Variants in RNGTT observed in about 807,000 individuals in gnomAD.
The protein encoded by RNGTT is mRNA-capping enzyme.
Under a neutral mutation model 79.3 loss-of-function variants are expected in RNGTT, and 33 were observed. The ratio of observed to expected loss-of-function variants is 0.42; its 90% CI spans 0.32 to 0.56. The LOEUF (loss-of-function observed/expected upper bound fraction) is 0.56, where lower values mean the gene tolerates loss of function less well. Ranked by LOEUF, RNGTT falls within the 20% of genes least tolerant of loss-of-function variation. The pLI is 0.17. For missense variants in RNGTT, 497 were observed against 739.1 expected, an observed-to-expected ratio of 0.67 and a Z score of 3.80; for synonymous variants, 222 against 235.9, an observed-to-expected ratio of 0.94 and a Z score of 0.54.
intron 6 of RNGTT, among the ~76,000 whole-genome samples, chr6:88,902,174 G>A (rs984216886): frequency 1.3e-5 from 2 of 150,670 alleles, no homozygotes; most frequent in African/African-American, 2.4e-5. Flanking sequence ...ATGACAGAGT[G>A]AGATCCTATC....
chr6:88,927,704 C>T (rs1293171252), intron 4 of RNGTT, among the ~76,000 whole-genome samples: 1 of 151,098 alleles, frequency 6.6e-6, no homozygotes, highest in African/African-American at 2.4e-5. Flanking sequence ...TGTGGTAGTG[C>T]ATGCCTGTAA....
At position 88,904,834 on chromosome 6, in the gene RNGTT, A is replaced by G. The variant is rs1783597603; in HGVS notation, c.565T>C (p.Leu189=). 6.2e-7 allele frequency: 1 copy of G among 1,614,032 alleles called. No individual in the cohort carries two copies. The highest frequency in any genetic ancestry group is 1.3e-5 in the African/African-American group (1 of 74,968). The change falls in exon 6 of 16, where the codon TTG becomes CTG. Residue 189 remains leucine, a synonymous_variant. Transcript: ENST00000369485. The part of the protein sequence containing the change: ...DIEEAPPPPL[L]PDWCFEDDED... Reference sequence around the variant, plus strand: ...TCATCCTCAAAACACCAATCTGGCAATAGAGGTGGGGGTGGTGCTTCCTCT... The same window carrying G: ...TCATCCTCAAAACACCAATCTGGCAGTAGAGGTGGGGGTGGTGCTTCCTCT...
At chr6:88,615,049 G>T (rs1197390481) in intron 14 of RNGTT, among the ~76,000 whole-genome samples, 1 of 152,128 alleles carries the variant, frequency 6.6e-6, no homozygotes, top group Non-Finnish European at 1.5e-5. Flanking sequence ...ACTGAATATG[G>T]ATACTCTATC....
At chr6:88,898,860 T>C (rs1425978700) in intron 6 of RNGTT, among the ~76,000 whole-genome samples, 1 of 141,170 alleles carries the variant, frequency 7.1e-6, no homozygotes, top group Admixed American at 7.0e-5. Context: ...ATTTATATTT[T>C]ACAAAAAAAA....
intron 13 of RNGTT, among the ~76,000 whole-genome samples, chr6:88,700,453 C>T (rs1029822790): frequency 2.0e-5 from 3 of 152,046 alleles, no homozygotes; most frequent in African/African-American, 4.8e-5. Context: ...TATTAGATAC[C>T]GTCCCACCTG....
At chr6:88,770,773 G>A (rs897999423) in intron 12 of RNGTT, among the ~76,000 whole-genome samples, 2 of 152,144 alleles carry the variant, frequency 1.3e-5, no homozygotes, top group African/African-American at 4.8e-5. Context: ...TATCCGCCTT[G>A]GACTAGGCAT....
Position 88,678,362 on chromosome 6 carries a change from T to C in RNGTT, c.1497A>G (p.Ala499=). ...AAATGAACAAACATACCTTGATTTG[T>C]GCAAAGGGTCTTTCATAACCTCCAA... is the stretch of plus-strand genomic sequence containing the variant. ...LYVGGYERPF[A]QIKVTKELKQ... The change falls in exon 14 of 16, where the codon GCA becomes GCG. Residue 499 remains alanine, a synonymous_variant. Transcript: ENST00000369485. 1.9e-6 allele frequency: 3 copies of C among 1,566,884 alleles called. No individual in the cohort carries two copies. Among genetic ancestry groups the C allele is most frequent in the Non-Finnish European group, 2.6e-6 (3 of 1,152,886 alleles).
chr6:88,684,200 G>A (rs1775192769), intron 13 of RNGTT, among the ~76,000 whole-genome samples: 2 of 152,148 alleles, frequency 1.3e-5, no homozygotes, highest in South Asian at 4.1e-4. Flanking sequence ...ACACACCTAT[G>A]AGAATGGCCA....
intron 13 of RNGTT, among the ~76,000 whole-genome samples, chr6:88,695,115 T>G (rs1775616608): frequency 6.6e-6 from 1 of 152,188 alleles, no homozygotes; most frequent in Non-Finnish European, 1.5e-5. Context: ...GGCAATGATT[T>G]TTTGAATTTG....
intron 4 of RNGTT, among the ~76,000 whole-genome samples, chr6:88,909,981 A>C (rs918103730): frequency 3.3e-5 from 5 of 151,978 alleles, no homozygotes; most frequent in African/African-American, 7.2e-5. Flanking sequence ...AAAAAAAAAA[A>C]CCCATTCAAT....
chr6:88,904,214 C>T (rs1418424156), intron 6 of RNGTT, among the ~76,000 whole-genome samples: 3 of 151,782 alleles, frequency 2.0e-5, no homozygotes, highest in African/African-American at 7.3e-5. Flanking sequence ...ACATAAGAAA[C>T]AAAAACAGGA....
At chr6:88,691,369 T>TTTCTG (rs1182989832) in intron 13 of RNGTT, among the ~76,000 whole-genome samples, 2 of 152,112 alleles carry the variant, frequency 1.3e-5, no homozygotes, top group African/African-American at 4.8e-5. Flanking sequence ...TTACACCTCT[T>TTTCTG]TATAAATTAC....
intron 13 of RNGTT, among the ~76,000 whole-genome samples, chr6:88,734,410 T>G (rs1346348075): frequency 6.6e-6 from 1 of 151,946 alleles, no homozygotes; most frequent in Non-Finnish European, 1.5e-5. Context: ...ATTTTAAAAA[T>G]GAAAAGAACA....
At chr6:88,864,903 T>C (rs1358255382) in intron 8 of RNGTT, among the ~76,000 whole-genome samples, 1 of 152,046 alleles carries the variant, frequency 6.6e-6, no homozygotes, top group Non-Finnish European at 1.5e-5. Flanking sequence ...AGAGACAGAA[T>C]GGAGAACAGT....
chr6:88,723,761 G>A (rs964278310), intron 13 of RNGTT, among the ~76,000 whole-genome samples: 2 of 152,076 alleles, frequency 1.3e-5, no homozygotes, highest in Non-Finnish European at 2.9e-5. Flanking sequence ...GTCTCGCTCT[G>A]TCACCCAGAC....
intron 6 of RNGTT, among the ~76,000 whole-genome samples, chr6:88,895,651 C>A (rs559438727): frequency 6.6e-6 from 1 of 152,158 alleles, no homozygotes; most frequent in Non-Finnish European, 1.5e-5. Context: ...GAGATGTGAT[C>A]TATAAAATAG....
At chr6:88,757,295 G>A (rs1391440994) in intron 13 of RNGTT, among the ~76,000 whole-genome samples, 1 of 152,162 alleles carries the variant, frequency 6.6e-6, no homozygotes, top group Non-Finnish European at 1.5e-5. Context: ...GGTAGTATTA[G>A]TATCAAGCTA....
intron 1 of RNGTT, among the ~76,000 whole-genome samples, chr6:88,948,619 A>C (rs1252341841): frequency 2.8e-5 from 4 of 145,396 alleles, no homozygotes; most frequent in Non-Finnish European, 6.1e-5. Context: ...TGTGCCCAAC[A>C]GCTCATTGAG....
chr6:88,853,888 T>C lies in RNGTT; in HGVS notation c.897-124A>G, dbSNP rs1477989315. The C allele has an allele frequency of 1.5e-5, 8 of 525,958 alleles. No homozygotes were observed. The Middle Eastern group carries it at 2.3e-3, about 153-fold the overall frequency. The allele number at this position is 525,958 out of a possible 1,614,324, so 32.6% of individuals were successfully genotyped here. On this transcript the variant is annotated intron_variant, in intron 8 of 15. Transcript: ENST00000369485. ...GTAGACTAATGTTCACTGGAGTCTC[T>C]TTATCATGTAGATTAAAGTATCACA... is the stretch of plus-strand genomic sequence containing the variant.
Sources: gnomAD v4.1 joint callset for allele counts (sites outside exome capture counted in the v4.1 genomes callset) on GRCh38, gnomAD v4.1.1 for gene constraint, MANE v1.5 for transcripts, NCBI Gene and HGNC (gene_info 2026-07-23, HGNC 2026-07-21) for gene names.